Variants in MYOF observed in about 807,000 individuals in gnomAD.
The protein encoded by MYOF is fer-1-like 3, myoferlin.
Under a neutral mutation model 284.2 loss-of-function variants are expected in MYOF, and 244 were observed. That is an observed-to-expected ratio of 0.86 (90% CI 0.77 to 0.95). MYOF has a LOEUF of 0.95. MYOF is among the 40% of genes least tolerant of loss of function. The pLI is 0.00. For missense variants in MYOF, 2,496 were observed against 2,560.6 expected, an observed-to-expected ratio of 0.97 and a Z score of 0.54; for synonymous variants, 904 against 919.7, an observed-to-expected ratio of 0.98 and a Z score of 0.31.
intron 3 of MYOF, among the ~76,000 whole-genome samples, chr10:93,437,411 T>TA (rs1849178633): frequency 6.6e-6 from 1 of 152,146 alleles, no homozygotes; most frequent in Admixed American, 6.5e-5. Flanking sequence ...GGCTGACTCT[T>TA]ACTCAGGGGA....
chr10:93,395,914 C>T (rs1326243021), intron 16 of MYOF, among the ~76,000 whole-genome samples: 1 of 148,742 alleles, frequency 6.7e-6, no homozygotes, highest in East Asian at 2.0e-4. Flanking sequence ...TAAAAGTTTA[C>T]AATATATGCA....
chr10:93,376,701 A>T (rs1450044773), intron 22 of MYOF, among the ~76,000 whole-genome samples: 3 of 152,154 alleles, frequency 2.0e-5, no homozygotes, highest in Non-Finnish European at 4.4e-5. Flanking sequence ...CCAATATTTA[A>T]AATGAGTTTG....
At chr10:93,406,028 G>T (rs1261490963) in intron 7 of MYOF, among the ~76,000 whole-genome samples, 1 of 151,316 alleles carries the variant, frequency 6.6e-6, no homozygotes, top group Non-Finnish European at 1.5e-5. Context: ...CCCAATCTTG[G>T]CTCACTGCAA....
chr10:93,428,062 A>T (rs1848673859), intron 4 of MYOF, among the ~76,000 whole-genome samples: 1 of 152,084 alleles, frequency 6.6e-6, no homozygotes, highest in African/African-American at 2.4e-5. Flanking sequence ...AGTCCTTTGC[A>T]AATAAGGATG....
At chr10:93,430,936 T>G (rs1393902009) in intron 4 of MYOF, among the ~76,000 whole-genome samples, 1 of 152,150 alleles carries the variant, frequency 6.6e-6, no homozygotes, top group African/African-American at 2.4e-5. Flanking sequence ...GTGTGTGTGG[T>G]TAGCTAATTA....
chr10:93,437,437 G>T (rs903767271), intron 3 of MYOF, among the ~76,000 whole-genome samples: 2 of 152,136 alleles, frequency 1.3e-5, no homozygotes, highest in Non-Finnish European at 2.9e-5. Flanking sequence ...CGTATACGAA[G>T]TTGTTCCTCT....
Position 93,482,275 on chromosome 10 carries a change from G to A in MYOF, c.-81C>T. On this transcript the variant is annotated 5_prime_UTR_variant, in exon 1 of 54. Coordinates refer to ENST00000359263, the MANE Select transcript of MYOF (RefSeq NM_013451.4). ...GGAGCTCCGGGTCGCACCGCCCTGG[G>A]AGAGAAGTTCTCTCCCAGTGAAGGG... 1 of 1,207,118 alleles carries A rather than the reference G, an allele frequency of 8.3e-7. No homozygotes were observed. Among genetic ancestry groups the A allele is most frequent in the Middle Eastern group, 2.0e-4 (1 of 5,122 alleles). The allele number at this position is 1,207,118 out of a possible 1,614,324, so 74.8% of individuals were successfully genotyped here.
intron 7 of MYOF, among the ~76,000 whole-genome samples, chr10:93,405,794 A>ATTT (rs3866906): frequency 1.3e-3 from 143 of 113,784 alleles, no homozygotes; most frequent in African/African-American, 3.7e-3. Context: ...ACAGGCTAGG[A>ATTT]TTTTTTTTTT....
In MYOF at chr10:93,441,460, T is replaced by C. The variant is rs564239584; in HGVS notation, c.237-9944A>G. The stretch of plus-strand genomic sequence containing the variant: ...AGTGCAGTGGTGCAATCTCAGCTCA[T>C]TGCAAGCTCCACCTCTTGAATTCAA... On this transcript the variant is annotated intron_variant, in intron 3 of 53. Transcript: ENST00000359263. Among the ~76,000 whole-genome samples, 5 of 151,914 alleles carry C rather than the reference T, an allele frequency of 3.3e-5. No homozygotes were observed. The South Asian group carries it at 1.0e-3, about 32-fold the overall frequency.
chr10:93,336,223 T>C (rs935007896), intron 40 of MYOF, among the ~76,000 whole-genome samples, 177 bp from the exon 41 acceptor site: 1 of 152,190 alleles, frequency 6.6e-6, no homozygotes, highest in African/African-American at 2.4e-5. Flanking sequence ...GTAGTTTCTT[T>C]TGGAGTTAAG....
At chr10:93,446,225 C>T (rs554355004) in intron 3 of MYOF, among the ~76,000 whole-genome samples, 7 of 152,282 alleles carry the variant, frequency 4.6e-5, no homozygotes, top group Admixed American at 4.6e-4. Context: ...AGACAGTAAA[C>T]TATGCAGTGG....
At chr10:93,352,298 A>G in intron 32 of MYOF, among the ~76,000 whole-genome samples, 1 of 152,208 alleles carries the variant, frequency 6.6e-6, no homozygotes, top group East Asian at 1.9e-4. Context: ...ATGAAATGAT[A>G]TAAGGAATGT....
At position 93,306,766 on chromosome 10, in the gene MYOF, A is replaced by AGAT. The variant is rs1842117424; in HGVS notation, c.*194_*196dup. On this transcript the variant is annotated 3_prime_UTR_variant, in exon 54 of 54. Transcript: ENST00000359263. ...GAAAATAAAACTTTTAATACTTAAG[A>AGAT]GATAACATGATGCAAACGTTGCTTG... is the stretch of plus-strand genomic sequence containing the variant. 1 of 595,076 alleles carries AGAT rather than the reference A, an allele frequency of 1.7e-6. No homozygotes were observed. The highest frequency in any genetic ancestry group is 3.0e-6 in the Non-Finnish European group (1 of 334,668). 36.9% of individuals were successfully genotyped at this position (595,076 alleles called of 1,614,324 possible). A position where few individuals can be genotyped will look rare whatever the true frequency, so the allele number is the denominator to read the frequency against.
intron 45 of MYOF, among the ~76,000 whole-genome samples, chr10:93,326,332 G>T (rs1042796829): frequency 6.6e-6 from 1 of 152,190 alleles, no homozygotes; most frequent in Non-Finnish European, 1.5e-5. Flanking sequence ...AACATGGGTA[G>T]AAGTGACATG....
At chr10:93,475,912 G>T (rs2057249633) in intron 1 of MYOF, among the ~76,000 whole-genome samples, 1 of 152,164 alleles carries the variant, frequency 6.6e-6, no homozygotes, top group Admixed American at 6.5e-5. Flanking sequence ...ATGTGCCTTT[G>T]GGGAGTGTAC....
At chr10:93,341,411 G>A (rs565733151) in intron 38 of MYOF, among the ~76,000 whole-genome samples, 2 of 152,144 alleles carry the variant, frequency 1.3e-5, no homozygotes, top group African/African-American at 4.8e-5. Flanking sequence ...GAGTAGCTGG[G>A]ATTACAGGCG....
chr10:93,434,175 A>G (rs1849000778), intron 3 of MYOF, among the ~76,000 whole-genome samples: 1 of 152,122 alleles, frequency 6.6e-6, no homozygotes, highest in African/African-American at 2.4e-5. Context: ...TCATGTCTGT[A>G]ATCCTAGCAC....
chr10:93,360,108 C>T, intron 28 of MYOF, 130 bp from the exon 29 acceptor site: 7 of 1,126,616 alleles, frequency 6.2e-6, no homozygotes, highest in Non-Finnish European at 7.7e-6. Context: ...GAATATGTGG[C>T]TGTTTTCACT....
chr10:93,426,947 C>T (rs1471000551), intron 4 of MYOF, among the ~76,000 whole-genome samples: 2 of 132,452 alleles, frequency 1.5e-5, no homozygotes, highest in Admixed American at 8.6e-5. Context: ...GAGTGCAGGG[C>T]GCAATCTCGG....
Sources: allele counts gnomAD v4.1 joint callset (sites outside exome capture counted in the v4.1 genomes callset), GRCh38; gene constraint gnomAD v4.1.1; transcripts MANE v1.5; gene names NCBI Gene and HGNC (gene_info 2026-07-23, HGNC 2026-07-21).